DHX40: variants seen among roughly 807,000 people sequenced by gnomAD.
DHX40 encodes probable ATP-dependent RNA helicase DHX40.
In DHX40, 28 loss-of-function variants were observed where a neutral mutation model predicts 89.6. The observed-to-expected ratio is 0.31, with a 90% CI of 0.23 to 0.43. The LOEUF (loss-of-function observed/expected upper bound fraction) is 0.43, where lower values mean the gene tolerates loss of function less well. Among genes scored for constraint, DHX40 ranks in the 20% least tolerant of loss-of-function variants. The probability of loss-of-function intolerance (pLI) is 1.00; values close to 1 mark genes in which losing one functional copy is unlikely to be tolerated. For missense variants in DHX40, 457 were observed against 844.0 expected (o/e 0.54, Z 5.68); for synonymous variants, 226 against 283.6 (o/e 0.80, Z 2.04).
At chr17:59,577,420 T>G in intron 8 of DHX40, 55 bp downstream of exon 8, 1 of 1,419,322 alleles carries the variant, frequency 7.0e-7, no homozygotes, top group Non-Finnish European at 9.9e-7. Context: ...TACTAAACAT[T>G]AGCTAAACAT....
chr17:59,570,812 AGCTG>A, intron 3 of DHX40, 149 bp downstream of exon 3: 2 of 658,946 alleles, frequency 3.0e-6, no homozygotes, highest in Non-Finnish European at 4.7e-6. Flanking sequence ...CCCCTTGGGT[AGCTG>A]GGACTACAGG....
At chr17:59,596,461 G>A (rs2030082111) in intron 12 of DHX40, among the ~76,000 whole-genome samples, 2 of 152,186 alleles carry the variant, frequency 1.3e-5, no homozygotes, top group African/African-American at 4.8e-5. Context: ...CCAGCTACTT[G>A]GAAGGCTGAG....
At chr17:59,588,766 A>G (rs947407819) in intron 12 of DHX40, among the ~76,000 whole-genome samples, 3 of 152,190 alleles carry the variant, frequency 2.0e-5, no homozygotes, top group Non-Finnish European at 4.4e-5. Flanking sequence ...GCAGAGCGGA[A>G]GTTTTTATTT....
In DHX40 at chr17:59,605,773, G is replaced by C. The variant is rs148070200; in HGVS notation, c.2200+99G>C. 659 of 1,136,680 alleles carry C rather than the reference G, an allele frequency of 5.8e-4. 1 individual carries two copies. The African/African-American group carries it at 9.2e-3, about 16-fold the overall frequency. 70.4% of individuals were successfully genotyped at this position (1,136,680 alleles called of 1,614,324 possible). ...TATAAAAATGTTGTGACCCACCTGGGCAATGTGGTGAGATCCCATCTCTAG... is the reference window on the plus strand; with the variant it reads ...TATAAAAATGTTGTGACCCACCTGGCCAATGTGGTGAGATCCCATCTCTAG... On this transcript the variant is annotated intron_variant, in intron 17 of 17. Coordinates refer to ENST00000251241, the MANE Select transcript of DHX40 (RefSeq NM_024612.5).
Position 59,565,758 on chromosome 17 carries a change from C to T in DHX40, c.87C>T (p.Leu29=), listed in dbSNP as rs16943678. The T allele has an allele frequency of 1.2e-6, 2 of 1,604,624 alleles. No individual in the cohort carries two copies. The highest frequency in any genetic ancestry group is 2.2e-5 in the South Asian group (2 of 91,028). ...ERSRDLQEER[L]SAVCIADREE... is the part of the protein sequence containing the mutation. ...CAAGAGACCTCCAGGAAGAGCGGCT[C>T]TCGGCTGTTTGCATCGCCGATAGAG... Residue 29 remains leucine (L), a synonymous_variant, in exon 1 of 18, where the codon CTC becomes CTT. Coordinates refer to ENST00000251241, the MANE Select transcript of DHX40 (RefSeq NM_024612.5).
chr17:59,573,800 C>G lies in DHX40; in HGVS notation c.607C>G (p.His203Asp), dbSNP rs1374056579. The change falls in exon 5 of 18, where the codon CAT becomes GAT. Residue 203 changes from histidine (H) to aspartate (D), a missense_variant. His to Asp is a moderately conservative substitution (Grantham distance 81). Around this residue, in one of 9 missense-constraint regions of DHX40, gnomAD observed 116 missense variants for 188.9 expected, o/e 0.61. Coordinates refer to ENST00000251241, the MANE Select transcript of DHX40 (RefSeq NM_024612.5). ...GGAGAAGTCTCCTAATAGGAAGGAGCATTTAAAAGTGGTGGTAATGTCAGC... is the reference window on the plus strand; with the variant it reads ...GGAGAAGTCTCCTAATAGGAAGGAGGATTTAAAAGTGGTGGTAATGTCAGC... ...FQEKSPNRKEHLKVVVMSATM... is the reference protein window; with the variant it reads ...FQEKSPNRKEDLKVVVMSATM... 5.6e-6 allele frequency: 9 copies of G among 1,613,722 alleles called. No homozygotes were observed. Among genetic ancestry groups the G allele is most frequent in the Non-Finnish European group, 7.6e-6 (9 of 1,179,846 alleles).
intron 17 of DHX40, among the ~76,000 whole-genome samples, chr17:59,606,482 C>A (rs919020932): frequency 6.6e-6 from 1 of 152,146 alleles, no homozygotes; most frequent in Non-Finnish European, 1.5e-5. Context: ...CATGGTGGCT[C>A]ACGCCTGTAA....
intron 7 of DHX40, among the ~76,000 whole-genome samples, chr17:59,576,483 G>C (rs2048883564): frequency 6.6e-6 from 1 of 152,076 alleles, no homozygotes; most frequent in African/African-American, 2.4e-5. Flanking sequence ...AGCTTTTGTT[G>C]ATTGGGTGAT....
rs760664385 is a variant in DHX40, at chr17:59,586,142, T to G, written c.1344-11T>G. ...AATGCCTCTCACTTCATATCTCATT[T>G]AAACACACAGGTTTCCCTATTTGGA... is the stretch of plus-strand genomic sequence containing the variant. On this transcript the variant is annotated splice_polypyrimidine_tract_variant and intron_variant, in intron 10 of 17. Coordinates refer to ENST00000251241, the MANE Select transcript of DHX40 (RefSeq NM_024612.5). 1.9e-6 allele frequency: 3 copies of G among 1,573,732 alleles called. No homozygotes were observed. The highest frequency in any genetic ancestry group is 2.3e-5 in the South Asian group (2 of 85,166).
chr17:59,597,812 G>A (rs955303955), intron 12 of DHX40, among the ~76,000 whole-genome samples: 3 of 151,260 alleles, frequency 2.0e-5, no homozygotes, highest in African/African-American at 7.3e-5. Context: ...GCGGGCGCCT[G>A]TAGTCCCAGC....
intron 12 of DHX40, among the ~76,000 whole-genome samples, chr17:59,590,595 C>G (rs2049068477): frequency 6.6e-6 from 1 of 151,596 alleles, no homozygotes; most frequent in Admixed American, 6.6e-5. Flanking sequence ...TCAGCCTCCC[C>G]AGCAGCTGGG....
At chr17:59,591,877 T>C (rs1598164953) in intron 12 of DHX40, among the ~76,000 whole-genome samples, 1 of 151,952 alleles carries the variant, frequency 6.6e-6, no homozygotes, top group Admixed American at 6.6e-5. Flanking sequence ...GAAATTGTTT[T>C]GTTTTGTTTG....
chr17:59,567,888 T>G (rs913045084), intron 2 of DHX40, among the ~76,000 whole-genome samples: 2 of 150,394 alleles, frequency 1.3e-5, no homozygotes, highest in Admixed American at 6.7e-5. Context: ...GCCGAGATCG[T>G]GCCACTGTAC....
At position 59,575,449 on chromosome 17, in the gene DHX40, G is replaced by C; in HGVS notation, c.951G>C (p.Pro317=). Residue 317 remains proline (P), a synonymous_variant, in exon 7 of 18, where the codon CCG becomes CCC. Coordinates refer to ENST00000251241, the MANE Select transcript of DHX40 (RefSeq NM_024612.5). ...DTTLDGLLIL[P]CYGSMTTDQQ... is the part of the protein sequence containing the mutation. ...CCCTCGATGGCTTGTTAATATTGCCGTGTTATGGATCAATGACAACAGGTA... is the reference window on the plus strand; with the variant it reads ...CCCTCGATGGCTTGTTAATATTGCCCTGTTATGGATCAATGACAACAGGTA... The C allele has an allele frequency of 6.2e-7, 1 of 1,612,658 alleles. No homozygotes were observed. The highest frequency in any genetic ancestry group is 1.7e-4 in the Middle Eastern group (1 of 6,048).
chr17:59,586,855 A>G (rs915735163), intron 11 of DHX40, among the ~76,000 whole-genome samples: 5 of 152,120 alleles, frequency 3.3e-5, no homozygotes, highest in Non-Finnish European at 7.4e-5. Context: ...TTTGATATTA[A>G]TAATTATTAT....
At chr17:59,592,230 A>G (rs2049094453) in intron 12 of DHX40, among the ~76,000 whole-genome samples, 1 of 151,988 alleles carries the variant, frequency 6.6e-6, no homozygotes, top group Admixed American at 6.6e-5. Context: ...TCCATATTGA[A>G]ATTGTCCATT....
At chr17:59,566,935 C>A in intron 2 of DHX40, 141 bp downstream of exon 2, 1 of 688,466 alleles carries the variant, frequency 1.5e-6, no homozygotes, top group East Asian at 3.4e-5. Context: ...TCCCCTATGT[C>A]TCCTTTGCTT....
intron 12 of DHX40, among the ~76,000 whole-genome samples, chr17:59,592,504 T>C (rs1201380268): frequency 6.7e-6 from 1 of 149,716 alleles, no homozygotes; most frequent in East Asian, 2.0e-4. Context: ...GATATCACTC[T>C]ACCTACCTTT....
chr17:59,570,132 ATAAT>A (rs2048776406), intron 2 of DHX40, among the ~76,000 whole-genome samples: 1 of 130,072 alleles, frequency 7.7e-6, no homozygotes, highest in Admixed American at 9.3e-5. Context: ...ATATTTATAT[ATAAT>A]ATATTATAAA....
Sources: gnomAD v4.1 joint callset for allele counts (sites outside exome capture counted in the v4.1 genomes callset) on GRCh38, gnomAD v4.1.1 for gene constraint, gnomAD v4.1.1 regional missense constraint, MANE v1.5 for transcripts, NCBI Gene and HGNC (gene_info 2026-07-23, HGNC 2026-07-21) for gene names.